Variants in KIF26B observed in about 807,000 individuals in gnomAD.
KIF26B encodes kinesin family member 26B.
A neutral mutation model predicts 151.2 loss-of-function variants in KIF26B; 63 were observed. The observed-to-expected ratio is 0.42, with a 90% CI of 0.34 to 0.51. The LOEUF is 0.51. KIF26B is among the 20% of genes least tolerant of loss of function. The pLI is 0.07. For synonymous variants in KIF26B, 1,357 were observed against 1,262.1 expected (o/e 1.08, Z -1.59); for missense variants, 2,813 against 2,913.6 (o/e 0.97, Z 0.79).
intron 3 of KIF26B, among the ~76,000 whole-genome samples, chr1:245,387,989 A>G (rs1379220150): frequency 6.6e-6 from 1 of 152,178 alleles, no homozygotes; most frequent in African/African-American, 2.4e-5. Context: ...AGAATAGGCC[A>G]TTTTGAAACC....
intron 5 of KIF26B, among the ~76,000 whole-genome samples, chr1:245,547,771 C>A (rs971371577): frequency 6.6e-6 from 1 of 152,002 alleles, no homozygotes. Context: ...GATGGCATAT[C>A]GCTACATATA....
At chr1:245,496,141 A>C (rs1660510370) in intron 4 of KIF26B, among the ~76,000 whole-genome samples, 1 of 152,208 alleles carries the variant, frequency 6.6e-6, no homozygotes, top group African/African-American at 2.4e-5. Context: ...AAGGGTCAAC[A>C]TGTGGTTAAG....
intron 2 of KIF26B, among the ~76,000 whole-genome samples, chr1:245,199,044 C>T (rs1037942471): frequency 6.8e-5 from 8 of 117,770 alleles, no homozygotes; most frequent in Admixed American, 1.8e-4. Flanking sequence ...CATCTAAGTT[C>T]ACTTCATTCA....
chr1:245,696,585 G>A (rs1032608694), intron 12 of KIF26B, among the ~76,000 whole-genome samples: 9 of 128,392 alleles, frequency 7.0e-5, no homozygotes, highest in Non-Finnish European at 1.6e-4. Context: ...GCACACAGAA[G>A]CTAAACAGTT....
chr1:245,660,878 C>T (rs914102296), intron 10 of KIF26B, among the ~76,000 whole-genome samples: 27 of 151,774 alleles, frequency 1.8e-4, no homozygotes, highest in South Asian at 2.1e-4. Flanking sequence ...TGTAGTGGTG[C>T]GATCTTGGCT....
chr1:245,512,072 G>A lies in KIF26B; in HGVS notation c.1167-28695G>A, dbSNP rs1172019989. On this transcript the variant is annotated intron_variant, in intron 4 of 14. Coordinates refer to ENST00000407071, the MANE Select transcript of KIF26B (RefSeq NM_018012.4). This position sits in a 1 kb window ranked among gnomAD's most constrained non-coding sequence, Gnocchi z 4.3. ...GGTAAGGTCATCAAAAGAGATGGCT[G>A]ATATTTTTTATGGTCATTTGCAACT... is the stretch of plus-strand genomic sequence containing the variant. 6.6e-6 allele frequency among the ~76,000 whole-genome samples: 1 copy of A among 152,134 alleles called. No homozygotes were observed. Among genetic ancestry groups the A allele is most frequent in the East Asian group, 1.9e-4 (1 of 5,196 alleles).
chr1:245,465,310 G>A (rs576148060), intron 4 of KIF26B, among the ~76,000 whole-genome samples: 4 of 152,266 alleles, frequency 2.6e-5, no homozygotes, highest in African/African-American at 9.6e-5. Flanking sequence ...AGCCGCCTGT[G>A]GGTGGGGACT....
intron 4 of KIF26B, among the ~76,000 whole-genome samples, chr1:245,490,971 T>C (rs921144828): frequency 1.3e-5 from 2 of 152,200 alleles, no homozygotes; most frequent in African/African-American, 4.8e-5. Flanking sequence ...GAAATATCTG[T>C]AATAGTAGCG....
At chr1:245,412,836 T>A (rs1674319071) in intron 3 of KIF26B, among the ~76,000 whole-genome samples, 1 of 152,202 alleles carries the variant, frequency 6.6e-6, no homozygotes. Context: ...TCACTGCTCG[T>A]TAATGGTGCA....
chr1:245,608,450 CCT>C (rs752121558), intron 7 of KIF26B, among the ~76,000 whole-genome samples: 23 of 152,306 alleles, frequency 1.5e-4, no homozygotes, highest in Non-Finnish European at 2.6e-4. Flanking sequence ...AAAGCCATTG[CCT>C]CTCTCTGCAC....
At chr1:245,508,655 A>C (rs1222150906) in intron 4 of KIF26B, among the ~76,000 whole-genome samples, 2 of 152,094 alleles carry the variant, frequency 1.3e-5, no homozygotes, top group East Asian at 3.9e-4. Context: ...ATTGGGGCTA[A>C]ATGTGGTGGT....
intron 4 of KIF26B, among the ~76,000 whole-genome samples, chr1:245,498,867 C>T (rs960609740): frequency 6.6e-6 from 1 of 152,082 alleles, no homozygotes; most frequent in Non-Finnish European, 1.5e-5. Context: ...GTTTCTTGGA[C>T]GGGTTCACAT....
At position 245,698,145 on chromosome 1, in the gene KIF26B, A is replaced by G. The variant is rs1260801628; in HGVS notation, c.5864A>G (p.Asp1955Gly). 1 of 1,613,968 alleles carries G rather than the reference A, an allele frequency of 6.2e-7. No homozygotes were observed. The highest frequency in any genetic ancestry group is 1.1e-5 in the South Asian group (1 of 91,074). The change falls in exon 13 of 15, where the codon GAC (aspartate) becomes GGC (glycine). Residue 1955 changes from aspartate to glycine, a missense_variant. Physicochemically the swap from Asp to Gly is moderately conservative, Grantham distance 94. This residue lies in a region of KIF26B where 2,060 missense variants were observed against 2,088.6 expected (regional missense o/e 0.99). Coordinates refer to ENST00000407071, the MANE Select transcript of KIF26B (RefSeq NM_018012.4). This position sits in a 1 kb window ranked among gnomAD's most constrained non-coding sequence, Gnocchi z 4.0. ...RRRLIPALSL[D>G]TSSPVRKPPN... is the part of the protein sequence containing the mutation. ...AGGCTTATCCCAGCACTATCCCTGG[A>G]CACCTCTTCCCCTGTGAGAAAACCC...
chr1:245,582,189 C>T (rs1430427830), intron 5 of KIF26B, among the ~76,000 whole-genome samples: 1 of 151,484 alleles, frequency 6.6e-6, no homozygotes, highest in African/African-American at 2.4e-5. Context: ...AGCAGGTCCT[C>T]TTCAGCGAGA....
At chr1:245,407,612 T>C (rs548036082) in intron 3 of KIF26B, among the ~76,000 whole-genome samples, 36 of 152,322 alleles carry the variant, frequency 2.4e-4, no homozygotes, top group African/African-American at 8.2e-4. Flanking sequence ...CTGTACCCTA[T>C]TCACCATGTT....
chr1:245,425,732 G>A (rs1397815651), intron 4 of KIF26B, among the ~76,000 whole-genome samples: 1 of 152,172 alleles, frequency 6.6e-6, no homozygotes, highest in Non-Finnish European at 1.5e-5. Flanking sequence ...GAGAAAATTA[G>A]CTTCTGTAGA....
intron 9 of KIF26B, among the ~76,000 whole-genome samples, chr1:245,615,378 T>C (rs1044691465): frequency 6.6e-6 from 1 of 152,222 alleles, no homozygotes; most frequent in Non-Finnish European, 1.5e-5. Context: ...TTTTCTTTTT[T>C]GCAGTTCTGC....
intron 2 of KIF26B, among the ~76,000 whole-genome samples, chr1:245,235,073 A>T (rs115778652): frequency 3.2e-3 from 482 of 152,154 alleles, no homozygotes; most frequent in African/African-American, 0.011. Context: ...CTCTGTCCCT[A>T]CTGCGCTGGG....
chr1:245,220,759 A>G (rs1349049282), intron 2 of KIF26B, among the ~76,000 whole-genome samples: 1 of 151,338 alleles, frequency 6.6e-6, no homozygotes, highest in Non-Finnish European at 1.5e-5. Flanking sequence ...TCCAAACACA[A>G]TGAGAATTCC....
Sources: gnomAD v4.1 joint callset for allele counts (sites outside exome capture counted in the v4.1 genomes callset) on GRCh38, gnomAD v4.1.1 for gene constraint, gnomAD v4.1.1 regional missense constraint, Gnocchi (gnomAD v3.1) non-coding constraint, MANE v1.5 for transcripts, NCBI Gene and HGNC (gene_info 2026-07-23, HGNC 2026-07-21) for gene names.